SMPX: variants seen among roughly 807,000 people sequenced by gnomAD.
The protein encoded by SMPX is small muscular protein.
Under a neutral mutation model 6.3 loss-of-function variants are expected in SMPX, and 2 were observed. The observed-to-expected ratio is 0.32, with a 90% CI of 0.13 to 0.99. The LOEUF is 0.99. SMPX is among the 50% of genes least tolerant of loss of function. The pLI is 0.49. For missense variants in SMPX, 60 were observed against 66.8 expected, an observed-to-expected ratio of 0.90 and a Z score of 0.36; for synonymous variants, 32 against 24.7, an observed-to-expected ratio of 1.30 and a Z score of -0.88.
intron 2 of SMPX, among the ~76,000 whole-genome samples, chrX:21,747,901 C>A (rs1190203615): frequency 5.4e-5 from 6 of 111,844 alleles, no homozygotes; most frequent in Non-Finnish European, 1.9e-5. Context: ...TAGCCTCCCC[C>A]ATGCCATTCT....
intron 4 of SMPX, among the ~76,000 whole-genome samples, chrX:21,720,929 A>G (rs1005909871): frequency 2.7e-5 from 3 of 112,685 alleles, no homozygotes; most frequent in African/African-American, 9.7e-5. Context: ...TGGAATGGGC[A>G]CTTATTTGGG....
chrX:21,706,335 T>C lies in SMPX; in HGVS notation c.*74A>G, dbSNP rs1298492018. ...GAGGTTCACAATCATCATACAAATA[T>C]ATAAAATTTTAGTGAGCTATTGAAT... On this transcript the variant is annotated 3_prime_UTR_variant, in exon 5 of 5. Transcript: ENST00000379494. 8.5e-6 allele frequency: 4 copies of C among 470,329 alleles called. No homozygotes were observed. In the South Asian group the frequency reaches 1.1e-4, roughly 12 times the overall value. 38.8% of individuals were successfully genotyped at this position (470,329 alleles called of 1,213,427 possible). A position where few individuals can be genotyped will look rare whatever the true frequency, so the allele number is the denominator to read the frequency against.
At chrX:21,752,768 C>T (rs981451026) in intron 2 of SMPX, among the ~76,000 whole-genome samples, 7 of 111,586 alleles carry the variant, frequency 6.3e-5, no homozygotes, top group South Asian at 3.8e-4. Context: ...CTGCCCATCT[C>T]AGCCTCCCAA....
chrX:21,753,677 T>G (rs940082421), intron 2 of SMPX, among the ~76,000 whole-genome samples: 4 of 112,363 alleles, frequency 3.6e-5, no homozygotes, highest in Non-Finnish European at 7.5e-5. Flanking sequence ...AATTGTATTT[T>G]TGTTTCCAAA....
At chrX:21,745,794 T>A (rs1014545611) in intron 2 of SMPX, among the ~76,000 whole-genome samples, 1 of 112,034 alleles carries the variant, frequency 8.9e-6, no homozygotes, top group Non-Finnish European at 1.9e-5. Flanking sequence ...GTTATCATAT[T>A]GTTTCTGAAA....
In SMPX at chrX:21,710,783, G is replaced by A. The variant is rs1474106973; in HGVS notation, c.*15-4389C>T. Among the ~76,000 whole-genome samples the A allele has an allele frequency of 2.7e-5, 3 of 111,927 alleles. No homozygotes were observed. The East Asian group carries it at 8.4e-4, about 31-fold the overall frequency. Reference sequence around the variant, plus strand: ...GCCAGTGCTATCAACCTGTGCTCATGTGGGAGTGGAGAAACAGCTGATGGT... The same window carrying A: ...GCCAGTGCTATCAACCTGTGCTCATATGGGAGTGGAGAAACAGCTGATGGT... On this transcript the variant is annotated intron_variant, in intron 4 of 4. Transcript: ENST00000379494.
chrX:21,731,537 ATGTGTGT>A (rs1942507835), intron 4 of SMPX, among the ~76,000 whole-genome samples: 1 of 76,972 alleles, frequency 1.3e-5, no homozygotes, highest in Admixed American at 1.5e-4. Context: ...CATACACATT[ATGTGTGT>A]ATGTGTATAT....
chrX:21,732,134 G>T (rs1335981809), intron 4 of SMPX, among the ~76,000 whole-genome samples: 3 of 111,196 alleles, frequency 2.7e-5, no homozygotes, highest in Non-Finnish European at 3.8e-5. Context: ...TGATGGTGAT[G>T]CATGTTTAAC....
At chrX:21,739,078 C>T (rs2092813557) in intron 3 of SMPX, among the ~76,000 whole-genome samples, 1 of 110,517 alleles carries the variant, frequency 9.0e-6, no homozygotes, top group Admixed American at 9.6e-5. Context: ...AGAGGGTGGG[C>T]CCTATGCCCT....
chrX:21,733,398 C>T (rs1398190461), intron 4 of SMPX, among the ~76,000 whole-genome samples: 1 of 112,302 alleles, frequency 8.9e-6, no homozygotes, highest in African/African-American at 3.2e-5. Flanking sequence ...TCTCACGTCT[C>T]TACACAACCA....
intron 4 of SMPX, among the ~76,000 whole-genome samples, chrX:21,719,784 C>G (rs1300833935): frequency 8.9e-6 from 1 of 112,045 alleles, no homozygotes; most frequent in African/African-American, 3.3e-5. Context: ...TCACACTATG[C>G]ACTGTGCTTA....
At chrX:21,747,050 G>A (rs1397383154) in intron 2 of SMPX, among the ~76,000 whole-genome samples, 4 of 111,667 alleles carry the variant, frequency 3.6e-5, no homozygotes, top group African/African-American at 1.3e-4. Context: ...TACAAATTGA[G>A]TGTATTTGCT....
intron 1 of SMPX, among the ~76,000 whole-genome samples, chrX:21,754,690 CT>C (rs1222415820): frequency 2.7e-5 from 3 of 112,274 alleles, no homozygotes; most frequent in African/African-American, 9.7e-5. Context: ...TGAAACTGAA[CT>C]TTTGATCTGA....
intron 4 of SMPX, among the ~76,000 whole-genome samples, chrX:21,736,380 A>G (rs747765148): frequency 8.9e-6 from 1 of 112,057 alleles, no homozygotes; most frequent in African/African-American, 3.2e-5. Flanking sequence ...GGTGGGAGGA[A>G]GGGATTGAAG....
chrX:21,731,240 T>C (rs997296022), intron 4 of SMPX, among the ~76,000 whole-genome samples: 4 of 108,314 alleles, frequency 3.7e-5, no homozygotes, highest in Non-Finnish European at 7.7e-5. Context: ...GAACATACTT[T>C]GTATGATTTC....
chrX:21,722,000 T>TA (rs201934385), intron 4 of SMPX, among the ~76,000 whole-genome samples: 14 of 106,385 alleles, frequency 1.3e-4, no homozygotes, highest in Middle Eastern at 4.8e-3. Context: ...CATCTCTGCT[T>TA]AAAAAAAAAA....
intron 2 of SMPX, among the ~76,000 whole-genome samples, chrX:21,750,599 G>A (rs1437315624): frequency 4.5e-5 from 5 of 112,268 alleles, no homozygotes; most frequent in Non-Finnish European, 5.6e-5. Context: ...GGCCCTCCCC[G>A]GGCTAAGAAA....
At chrX:21,718,805 G>T (rs1477763362) in intron 4 of SMPX, among the ~76,000 whole-genome samples, 5 of 111,959 alleles carry the variant, frequency 4.5e-5, no homozygotes, top group African/African-American at 1.6e-4. Flanking sequence ...AATAGGTCAG[G>T]CGGGGAGAAA....
chrX:21,748,857 AATCT>A (rs772335396), intron 2 of SMPX, among the ~76,000 whole-genome samples: 12 of 112,787 alleles, frequency 1.1e-4, no homozygotes, highest in Non-Finnish European at 1.7e-4. Context: ...AGCTTTAATC[AATCT>A]ATCAGATTAA....
Sources: gnomAD v4.1 joint callset for allele counts (sites outside exome capture counted in the v4.1 genomes callset) on GRCh38, gnomAD v4.1.1 for gene constraint, MANE v1.5 for transcripts, NCBI Gene and HGNC (gene_info 2026-07-23, HGNC 2026-07-21) for gene names.